Variants in SLC2A13 observed in about 807,000 individuals in gnomAD.
SLC2A13 encodes the protein solute carrier family 2 member 13, also known as proton myo-inositol cotransporter.
SLC2A13 carries 32 observed loss-of-function variants against 64.4 expected under a neutral mutation model. The ratio of observed to expected loss-of-function variants is 0.50; its 90% CI spans 0.37 to 0.67. The LOEUF (loss-of-function observed/expected upper bound fraction) is 0.67. Among genes scored for constraint, SLC2A13 ranks in the 30% least tolerant of loss-of-function variants. The probability of loss-of-function intolerance (pLI) is 0.00; values close to 1 mark genes in which losing one functional copy is unlikely to be tolerated. For missense variants in SLC2A13, 743 were observed against 829.2 expected (o/e 0.90, Z 1.28); for synonymous variants, 338 against 327.1 (o/e 1.03, Z -0.36).
At chr12:39,802,054 G>C (rs961404617) in intron 7 of SLC2A13, among the ~76,000 whole-genome samples, 1 of 152,132 alleles carries the variant, frequency 6.6e-6, no homozygotes, top group African/African-American at 2.4e-5. Context: ...AACTACAAAA[G>C]TGATATAATA....
At chr12:39,769,525 G>GT (rs1036281665) in intron 7 of SLC2A13, among the ~76,000 whole-genome samples, 8 of 85,842 alleles carry the variant, frequency 9.3e-5, no homozygotes, top group African/African-American at 4.0e-4. Context: ...AGAAAAGAAA[G>GT]TTTTTTAAAA....
chr12:39,891,362 A>G (rs1239566859), intron 4 of SLC2A13, among the ~76,000 whole-genome samples: 2 of 151,814 alleles, frequency 1.3e-5, no homozygotes, highest in African/African-American at 4.8e-5. Context: ...TTCACTCCTC[A>G]TTGCCTATTC....
chr12:40,016,855 C>T (rs1037884345), intron 3 of SLC2A13, among the ~76,000 whole-genome samples: 4 of 152,056 alleles, frequency 2.6e-5, no homozygotes, highest in Admixed American at 1.3e-4. Context: ...TAAGTTTTTT[C>T]GATGGGCCCA....
chr12:39,781,089 T>C (rs759058682), intron 7 of SLC2A13, among the ~76,000 whole-genome samples: 78 of 152,194 alleles, frequency 5.1e-4, no homozygotes, highest in East Asian at 1.9e-4. Flanking sequence ...TTAACTGCAA[T>C]TGCCTTTTTT....
At chr12:39,928,911 G>T (rs1188315492) in intron 4 of SLC2A13, among the ~76,000 whole-genome samples, 2 of 152,120 alleles carry the variant, frequency 1.3e-5, no homozygotes, top group African/African-American at 4.8e-5. Context: ...TTATAAAAAG[G>T]ACTGGTTGAC....
chr12:39,959,629 A>G (rs1946375137), intron 3 of SLC2A13, among the ~76,000 whole-genome samples: 1 of 152,238 alleles, frequency 6.6e-6, no homozygotes, highest in South Asian at 2.1e-4. Flanking sequence ...AAAAGTATCT[A>G]CATAAATGAA....
intron 4 of SLC2A13, among the ~76,000 whole-genome samples, chr12:39,923,474 A>G (rs951201547): frequency 2.0e-5 from 3 of 152,070 alleles, no homozygotes; most frequent in African/African-American, 7.2e-5. Context: ...CAGAAAACAG[A>G]CTACAAGTCA....
chr12:39,935,991 G>C (rs1198733985), intron 4 of SLC2A13, among the ~76,000 whole-genome samples: 1 of 152,228 alleles, frequency 6.6e-6, no homozygotes, highest in African/African-American at 2.4e-5. Context: ...GTAGGGCAGT[G>C]GTTGGACATG....
At chr12:39,793,101 A>G (rs907177194) in intron 7 of SLC2A13, among the ~76,000 whole-genome samples, 4 of 152,198 alleles carry the variant, frequency 2.6e-5, no homozygotes, top group African/African-American at 9.6e-5. Flanking sequence ...ATATATGTAG[A>G]AAATCTAATG....
At chr12:39,770,014 T>C (rs1300225839) in intron 7 of SLC2A13, among the ~76,000 whole-genome samples, 2 of 151,966 alleles carry the variant, frequency 1.3e-5, no homozygotes, top group Non-Finnish European at 2.9e-5. Flanking sequence ...TGCTGACAAC[T>C]CTCCTTCCTT....
At chr12:40,022,992 C>A (rs929601419) in intron 3 of SLC2A13, among the ~76,000 whole-genome samples, 3 of 152,116 alleles carry the variant, frequency 2.0e-5, no homozygotes, top group African/African-American at 7.2e-5. Context: ...TAAAAGGCTG[C>A]TCTTTACTGC....
At chr12:39,776,284 G>A (rs889093148) in intron 7 of SLC2A13, among the ~76,000 whole-genome samples, 4 of 94,392 alleles carry the variant, frequency 4.2e-5, no homozygotes, top group Non-Finnish European at 4.5e-5. Context: ...CTGCTTCCCC[G>A]CTTAGGAGCT....
At chr12:40,064,275 T>C (rs912349897) in intron 1 of SLC2A13, among the ~76,000 whole-genome samples, 25 of 152,116 alleles carry the variant, frequency 1.6e-4, no homozygotes, top group African/African-American at 6.0e-4. Flanking sequence ...ATTATGTGTA[T>C]TGTGTATACA....
intron 7 of SLC2A13, among the ~76,000 whole-genome samples, chr12:39,789,815 A>T (rs1323797709): frequency 6.6e-6 from 1 of 152,078 alleles, no homozygotes; most frequent in Non-Finnish European, 1.5e-5. Context: ...CATTTCACAT[A>T]TTTATTGGCC....
In SLC2A13 at chr12:39,764,828, T is replaced by C. The variant is rs1355807257; in HGVS notation, c.1476A>G (p.Glu492=). Residue 492 remains glutamate (E), a synonymous_variant, in exon 8 of 10, where the codon GAA becomes GAG. Coordinates refer to ENST00000280871, the MANE Select transcript of SLC2A13 (RefSeq NM_052885.4). ...RCENETKFKT[E]DIFWAYNFCP... Reference sequence around the variant, plus strand: ...AGAAATTGTAAGCCCAAAATATATCTTCTGTTTTGAACTTGGTTTCATTTT... The same window carrying C: ...AGAAATTGTAAGCCCAAAATATATCCTCTGTTTTGAACTTGGTTTCATTTT... 2 of 1,612,318 alleles carry C rather than the reference T, an allele frequency of 1.2e-6. No homozygotes were observed. Among genetic ancestry groups the C allele is most frequent in the Non-Finnish European group, 1.7e-6 (2 of 1,179,098 alleles).
chr12:40,065,521 G>A (rs1194519032), intron 1 of SLC2A13, among the ~76,000 whole-genome samples: 1 of 152,034 alleles, frequency 6.6e-6, no homozygotes, highest in Non-Finnish European at 1.5e-5. Flanking sequence ...GGAGGTCAAG[G>A]CTGCAGTGAG....
chr12:39,808,032 T>C (rs928123478), intron 7 of SLC2A13, among the ~76,000 whole-genome samples: 116 of 152,238 alleles, frequency 7.6e-4, no homozygotes, highest in African/African-American at 2.7e-3. Flanking sequence ...TGTAAGTCAA[T>C]GAGTTTTGAC....
rs758415951 is a variant in SLC2A13 at position 39,918,618 on chromosome 12, T to C, written c.1034+32639A>G. On this transcript the variant is annotated intron_variant, in intron 4 of 9. Transcript: ENST00000280871. ...TAAATAATCTGACCTCCCAGAGAGC[T>C]GCTCAACATACAGCAAATCACTTGT... Among the ~76,000 whole-genome samples the C allele has an allele frequency of 2.0e-5, 3 of 152,226 alleles. No individual in the cohort carries two copies. The East Asian group carries it at 5.8e-4, about 29-fold the overall frequency.
intron 1 of SLC2A13, among the ~76,000 whole-genome samples, chr12:40,080,983 T>A (rs1216357057): frequency 1.3e-5 from 2 of 152,202 alleles, no homozygotes; most frequent in Non-Finnish European, 2.9e-5. Context: ...GGAAATGGAA[T>A]TCTTGGTTGA....
Sources: allele counts gnomAD v4.1 joint callset (sites outside exome capture counted in the v4.1 genomes callset), GRCh38; gene constraint gnomAD v4.1.1; transcripts MANE v1.5; gene names NCBI Gene and HGNC (gene_info 2026-07-23, HGNC 2026-07-21).